The following SLC36A4 variants were observed in gnomAD, a reference collection of about 807,000 sequenced individuals.
The protein encoded by SLC36A4 is solute carrier family 36 member 4.
In SLC36A4, 49 loss-of-function variants were observed where a neutral mutation model predicts 50.5. That is an observed-to-expected ratio of 0.97 (90% confidence interval 0.77 to 1.23). The LOEUF is 1.23. Among genes scored for constraint, SLC36A4 ranks in the 50% most tolerant of loss-of-function variants. SLC36A4 has a pLI of 0.00. For missense variants in SLC36A4, 611 were observed against 608.4 expected (o/e 1.00, Z -0.05); for synonymous variants, 207 against 206.5 (o/e 1.00, Z -0.02).
At chr11:93,151,190 A>G (rs1342050839) in intron 10 of SLC36A4, among the ~76,000 whole-genome samples, 4 of 152,030 alleles carry the variant, frequency 2.6e-5, no homozygotes, top group Non-Finnish European at 5.9e-5. Flanking sequence ...AGCCAAATCC[A>G]ACATATATTA....
intron 10 of SLC36A4, among the ~76,000 whole-genome samples, chr11:93,151,197 A>G (rs1860072374): frequency 6.6e-6 from 1 of 152,042 alleles, no homozygotes; most frequent in Non-Finnish European, 1.5e-5. Context: ...TCCAACATAT[A>G]TTAATAAAAA....
Position 93,147,282 on chromosome 11 carries a change from T to C in SLC36A4, c.*1255A>G, listed in dbSNP as rs1227493974. ...GATTATAAGCACAGACCACCACACC[T>C]AGCTGATTCTTTTATTCTGCTCATA... On this transcript the variant is annotated 3_prime_UTR_variant, in exon 11 of 11. Coordinates refer to ENST00000326402, the MANE Select transcript of SLC36A4 (RefSeq NM_152313.4). 1 of 152,078 alleles carries C rather than the reference T, an allele frequency of 6.6e-6. No individual in the cohort carries two copies. Among genetic ancestry groups the C allele is most frequent in the Non-Finnish European group, 1.5e-5 (1 of 68,000 alleles). The allele number at this position is 152,078 out of a possible 1,614,324, so 9.4% of individuals were successfully genotyped here.
In SLC36A4 at chr11:93,147,137, G is replaced by T. The variant is rs1859867573; in HGVS notation, c.*1400C>A. ...GGACTACAGGTACACGCCACATCAGGCTAATTTTTTTTTAAATTTTTATGT... is the reference window on the plus strand; with the variant it reads ...GGACTACAGGTACACGCCACATCAGTCTAATTTTTTTTTAAATTTTTATGT... On this transcript the variant is annotated 3_prime_UTR_variant, in exon 11 of 11. Coordinates refer to ENST00000326402, the MANE Select transcript of SLC36A4 (RefSeq NM_152313.4). 1.3e-5 allele frequency: 2 copies of T among 151,910 alleles called. No individual in the cohort carries two copies. Among genetic ancestry groups the T allele is most frequent in the South Asian group, 4.1e-4 (2 of 4,822 alleles). 9.4% of individuals were successfully genotyped at this position (151,910 alleles called of 1,614,324 possible). A position where few individuals can be genotyped will look rare whatever the true frequency, so the allele number is the denominator to read the frequency against.
chr11:93,197,096 T>C (rs1862461285), intron 1 of SLC36A4: 1 of 152,244 alleles, frequency 6.6e-6, no homozygotes, highest in African/African-American at 2.4e-5. Flanking sequence ...TTAGATTTAA[T>C]TTTTTAATTA....
rs117867110 is a variant in SLC36A4, at chr11:93,165,384, A to G, written c.867+534T>C. Among the ~76,000 whole-genome samples, 233 of 152,274 alleles carry G rather than the reference A, an allele frequency of 1.5e-3. 7 individuals are homozygous for G. In the East Asian group the frequency reaches 0.04, roughly 26 times the overall value. On this transcript the variant is annotated intron_variant, in intron 8 of 10. Transcript: ENST00000326402. The stretch of plus-strand genomic sequence containing the variant: ...TGGAGTCTCTCTTGGTATTAGCTTT[A>G]TAACACTGTTTCTCAAAACAAACAT...
chr11:93,163,287 T>A (rs1257084225), intron 8 of SLC36A4, among the ~76,000 whole-genome samples: 1 of 152,204 alleles, frequency 6.6e-6, no homozygotes, highest in African/African-American at 2.4e-5. Context: ...AAACTGCAAA[T>A]TTCATTTGGA....
chr11:93,167,134 T>C (rs944635291), intron 7 of SLC36A4: 5 of 152,146 alleles, frequency 3.3e-5, no homozygotes, highest in African/African-American at 1.2e-4. Context: ...AAACTACAAC[T>C]TTTGAAAATC....
Position 93,197,794 on chromosome 11 carries a change from C to T in SLC36A4, c.39G>A (p.Ala13=). 1 of 1,586,274 alleles carries T rather than the reference C, an allele frequency of 6.3e-7. No individual in the cohort carries two copies. Among genetic ancestry groups the T allele is most frequent in the Non-Finnish European group, 8.5e-7 (1 of 1,173,620 alleles). ...AACACCGACCTAGCTCCTCGCGCCT[C>T]GCCGCCCCGGCAGCCGCCGGCGTCG... ...AAATPAAAGA[A]RREELDMDVM... The change falls in exon 1 of 11, where the codon GCG becomes GCA. Residue 13 remains alanine, a synonymous_variant. Transcript: ENST00000326402.
Position 93,181,274 on chromosome 11 carries a change from T to C in SLC36A4, c.456-393A>G, listed in dbSNP as rs184176955. ...ATAAGGTTATGCTAAAATATAGCCATACCTCAGATAAGCATACAAATACTA... is the reference window on the plus strand; with the variant it reads ...ATAAGGTTATGCTAAAATATAGCCACACCTCAGATAAGCATACAAATACTA... On this transcript the variant is annotated intron_variant, in intron 5 of 10. Transcript: ENST00000326402. Among the ~76,000 whole-genome samples, 26 of 152,240 alleles carry C rather than the reference T, an allele frequency of 1.7e-4. No homozygotes were observed. In the East Asian group the frequency reaches 2.9e-3, roughly 17 times the overall value.
rs983026052 is a variant in SLC36A4 at position 93,190,314 on chromosome 11, G to A, written c.56-4500C>T. On this transcript the variant is annotated intron_variant, in intron 1 of 10. Transcript: ENST00000326402. ...ATCTAATGTTCTATAGCACAATACGGCAACGGTAGTTAACAATAATTTGTT... is the reference window on the plus strand; with the variant it reads ...ATCTAATGTTCTATAGCACAATACGACAACGGTAGTTAACAATAATTTGTT... Among the ~76,000 whole-genome samples the A allele has an allele frequency of 3.3e-5, 5 of 152,058 alleles. No homozygotes were observed. The East Asian group carries it at 9.6e-4, about 29-fold the overall frequency.
intron 9 of SLC36A4, among the ~76,000 whole-genome samples, chr11:93,158,230 G>C (rs566761978): frequency 6.6e-6 from 1 of 152,096 alleles, no homozygotes; most frequent in Non-Finnish European, 1.5e-5. Context: ...CCTATACTCT[G>C]ATATGTAACT....
intron 6 of SLC36A4, among the ~76,000 whole-genome samples, chr11:93,173,941 G>A (rs1471080714): frequency 7.0e-6 from 1 of 143,124 alleles, no homozygotes; most frequent in Non-Finnish European, 1.5e-5. Context: ...CTCTTTTTTG[G>A]TTCCATATGA....
intron 7 of SLC36A4, chr11:93,166,360 C>CTG (rs1860865478): frequency 9.9e-7 from 1 of 1,006,554 alleles, no homozygotes; most frequent in East Asian, 9.8e-5. Flanking sequence ...AGCTGAGAGC[C>CTG]ATATAGTCAA....
intron 9 of SLC36A4, among the ~76,000 whole-genome samples, chr11:93,156,886 G>C (rs1241835394): frequency 6.6e-6 from 1 of 152,058 alleles, no homozygotes; most frequent in African/African-American, 2.4e-5. Flanking sequence ...TTTCACTTTT[G>C]TTGCAATTGC....
At position 93,185,808 on chromosome 11, in the gene SLC36A4, T is replaced by C; in HGVS notation, c.62A>G (p.Asp21Gly). Residue 21 changes from aspartate to glycine, a missense_variant, in exon 2 of 11, where the codon GAT becomes GGT. Transcript: ENST00000326402. ...CTCATTTATCAAGGGCCTCATTACA[T>C]CCATATCTTTAAAAAAGAAAAACAA... is the stretch of plus-strand genomic sequence containing the variant. ...GAARREELDM[D>G]VMRPLINEQN... The C allele has an allele frequency of 6.3e-7, 1 of 1,581,010 alleles. No individual in the cohort carries two copies. Among genetic ancestry groups the C allele is most frequent in the Non-Finnish European group, 8.5e-7 (1 of 1,171,844 alleles).
At chr11:93,197,400 G>A in intron 1 of SLC36A4, 1 of 304,002 alleles carries the variant, frequency 3.3e-6, no homozygotes, top group Non-Finnish European at 6.2e-6. Flanking sequence ...GAATGGGGCT[G>A]CAGCATTTGA....
At chr11:93,172,047 G>A (rs1186332935) in intron 6 of SLC36A4, 1 of 151,864 alleles carries the variant, frequency 6.6e-6, no homozygotes, top group Non-Finnish European at 1.5e-5. Flanking sequence ...GTGTCTGATG[G>A]TTTACAGATT....
At chr11:93,166,079 AT>A (rs1860849913) in intron 7 of SLC36A4, 63 bp from the exon 8 acceptor site, 2 of 1,364,018 alleles carry the variant, frequency 1.5e-6, no homozygotes, top group African/African-American at 1.5e-5. Context: ...TAATTAAAAA[AT>A]GTAAGAAAAA....
Position 93,146,869 on chromosome 11 carries a change from G to T in SLC36A4, c.*1668C>A, listed in dbSNP as rs1359600999. On this transcript the variant is annotated 3_prime_UTR_variant, in exon 11 of 11. Transcript: ENST00000326402. ...TAACTTGAAAAATATGGAATAATTA[G>T]AAGTTATTTGTCTGAAAGAAGCCTG... is the stretch of plus-strand genomic sequence containing the variant. 6.6e-6 allele frequency: 1 copy of T among 152,072 alleles called. No homozygotes were observed. The highest frequency in any genetic ancestry group is 1.5e-5 in the Non-Finnish European group (1 of 67,982). The allele number at this position is 152,072 out of a possible 1,614,324, so 9.4% of individuals were successfully genotyped here. A position where few individuals can be genotyped will look rare whatever the true frequency, so the allele number is the denominator to read the frequency against.
Sources: allele counts gnomAD v4.1 joint callset (sites outside exome capture counted in the v4.1 genomes callset), GRCh38; gene constraint gnomAD v4.1.1; transcripts MANE v1.5; gene names NCBI Gene and HGNC (gene_info 2026-07-23, HGNC 2026-07-21).